PDPK1: variants seen among roughly 807,000 people sequenced by gnomAD.
The protein encoded by PDPK1 is 3-phosphoinositide-dependent protein kinase 1.
In PDPK1, 7 loss-of-function variants were observed where a neutral mutation model predicts 39.8. That is an observed-to-expected ratio of 0.18 (90% CI 0.10 to 0.33). The LOEUF is 0.33. PDPK1 is among the 10% of genes least tolerant of loss of function. The probability of loss-of-function intolerance (pLI) is 1.00; values close to 1 mark genes in which losing one functional copy is unlikely to be tolerated. For missense variants in PDPK1, 182 were observed against 384.7 expected (o/e 0.47, Z 4.41); for synonymous variants, 118 against 159.1 (o/e 0.74, Z 1.95).
In PDPK1 at chr16:2,597,487, G is replaced by A. The variant is rs1007676520; in HGVS notation, c.1555-164G>A. On this transcript the variant is annotated intron_variant, in intron 13 of 13. Transcript: ENST00000342085. This position sits in a 1 kb window ranked among gnomAD's most constrained non-coding sequence, Gnocchi z 6.3. ...TTTTTCAGTTTGGTGGTGACTGGGG[G>A]TGGTGGTCATCAGCCTGTGTAGTTG... Among the ~76,000 whole-genome samples the A allele has an allele frequency of 1.3e-5, 2 of 152,214 alleles. No homozygotes were observed. The highest frequency in any genetic ancestry group is 2.9e-5 in the Non-Finnish European group (2 of 68,042).
rs1471783863 is a variant in PDPK1, at chr16:2,599,404, G to C, written c.*1637G>C. 1 of 232,944 alleles carries C rather than the reference G, an allele frequency of 4.3e-6. No homozygotes were observed. Among genetic ancestry groups the C allele is most frequent in the Non-Finnish European group, 8.5e-6 (1 of 117,924 alleles). 14.4% of individuals were successfully genotyped at this position (232,944 alleles called of 1,614,324 possible). A position where few individuals can be genotyped will look rare whatever the true frequency, so the allele number is the denominator to read the frequency against. On this transcript the variant is annotated 3_prime_UTR_variant, in exon 14 of 14. Coordinates refer to ENST00000342085, the MANE Select transcript of PDPK1 (RefSeq NM_002613.5). ...CTAATGACGAGAGTGGCTCTTTTTA[G>C]CTAGGCGAGTACAGACGGGGCCTGG...
In PDPK1 at chr16:2,545,731, G is replaced by C. The variant is rs1364064873; in HGVS notation, c.24+7595G>C. On this transcript the variant is annotated intron_variant, in intron 1 of 13. Transcript: ENST00000342085. Reference sequence around the variant, plus strand: ...GCTGGTCGCGAACTCCTAATGTCATGATTCACCCGCCTTGGCCTCCCAAAG... The same window carrying C: ...GCTGGTCGCGAACTCCTAATGTCATCATTCACCCGCCTTGGCCTCCCAAAG... Among the ~76,000 whole-genome samples the C allele has an allele frequency of 2.0e-5, 3 of 152,160 alleles. No individual in the cohort carries two copies. In the East Asian group the frequency reaches 5.8e-4, roughly 29 times the overall value.
chr16:2,538,199 C>G (rs2066172449), intron 1 of PDPK1, 63 bp downstream of exon 1: 3 of 941,550 alleles, frequency 3.2e-6, no homozygotes. Flanking sequence ...GGCGGCCGCC[C>G]GGGTCCGGCG....
intron 1 of PDPK1, chr16:2,538,664 C>T: frequency 7.8e-7 from 1 of 1,288,954 alleles, no homozygotes; most frequent in African/African-American, 1.5e-5. Context: ...CACGGCCCGG[C>T]CAAGGGGCAT....
At chr16:2,577,800 A>G (rs1186617437) in intron 7 of PDPK1, among the ~76,000 whole-genome samples, 4 of 149,228 alleles carry the variant, frequency 2.7e-5, no homozygotes, top group African/African-American at 5.1e-5. Flanking sequence ...GTGCAGTGGC[A>G]CCATCTCTGC....
At chr16:2,577,195 G>A (rs1439569876) in intron 6 of PDPK1, 4 of 593,110 alleles carry the variant, frequency 6.7e-6, no homozygotes, top group Middle Eastern at 9.0e-4. Flanking sequence ...GGCCGTTTGT[G>A]TGCAGCTCAC....
At chr16:2,586,622 A>G (rs1274975162) in intron 10 of PDPK1, 54 bp from the exon 11 acceptor site, 1 of 1,509,652 alleles carries the variant, frequency 6.6e-7, no homozygotes, top group Non-Finnish European at 9.2e-7. Flanking sequence ...CTGGGGTTTT[A>G]GGACCTTAGA....
rs531050862 is a variant in PDPK1, at chr16:2,600,835, G to C, written c.*3068G>C. Reference sequence around the variant, plus strand: ...AGAAGACCACTGTGAGCATTTTGCCGTATATCCTGCCCTGCCATTTGTTCA... The same window carrying C: ...AGAAGACCACTGTGAGCATTTTGCCCTATATCCTGCCCTGCCATTTGTTCA... On this transcript the variant is annotated 3_prime_UTR_variant, in exon 14 of 14. Coordinates refer to ENST00000342085, the MANE Select transcript of PDPK1 (RefSeq NM_002613.5). The C allele has an allele frequency of 5.1e-6, 1 of 196,974 alleles. No individual in the cohort carries two copies. The highest frequency in any genetic ancestry group is 3.0e-5 in the African/African-American group (1 of 33,126). 12.2% of individuals were successfully genotyped at this position (196,974 alleles called of 1,614,324 possible). A position where few individuals can be genotyped will look rare whatever the true frequency, so the allele number is the denominator to read the frequency against.
Position 2,597,792 on chromosome 16 carries a change from T to A in PDPK1, c.*25T>A. ...ACGTGGCCTGCGGCCGGGCTGCCCT[T>A]CGCTGCCAGGACACCTGCCCCAGCG... is the stretch of plus-strand genomic sequence containing the variant. On this transcript the variant is annotated 3_prime_UTR_variant, in exon 14 of 14. Coordinates refer to ENST00000342085, the MANE Select transcript of PDPK1 (RefSeq NM_002613.5). This position sits in a 1 kb window ranked among gnomAD's most constrained non-coding sequence, Gnocchi z 6.3. 6.6e-7 allele frequency: 1 copy of A among 1,517,306 alleles called. No homozygotes were observed. The highest frequency in any genetic ancestry group is 9.1e-7 in the Non-Finnish European group (1 of 1,095,058). The allele number at this position is 1,517,306 out of a possible 1,614,324, so 94.0% of individuals were successfully genotyped here. A position where few individuals can be genotyped will look rare whatever the true frequency, so the allele number is the denominator to read the frequency against.
chr16:2,584,734 C>T (rs541638987), intron 10 of PDPK1, among the ~76,000 whole-genome samples: 4,131 of 149,578 alleles, frequency 0.028, 175 homozygotes, highest in African/African-American at 0.1. Flanking sequence ...AGTTTCCCAA[C>T]GCCCCTACCT....
chr16:2,543,888 AT>A (rs11422907), intron 1 of PDPK1, among the ~76,000 whole-genome samples: 22 of 134,766 alleles, frequency 1.6e-4, no homozygotes, highest in African/African-American at 2.8e-4. Context: ...CACCCGGCTA[AT>A]TTTTTTTTTT....
In PDPK1 at chr16:2,597,527, G is replaced by A. The variant is rs780960806; in HGVS notation, c.1555-124G>A. ...CTGTGTAGTTGCTTACTGCTTGTGTGAATAACCGTCACACCCACGTGCTTT... is the reference window on the plus strand; with the variant it reads ...CTGTGTAGTTGCTTACTGCTTGTGTAAATAACCGTCACACCCACGTGCTTT... On this transcript the variant is annotated intron_variant, in intron 13 of 13. Coordinates refer to ENST00000342085, the MANE Select transcript of PDPK1 (RefSeq NM_002613.5). The surrounding 1 kb of genome is among the most constrained non-coding windows in gnomAD (Gnocchi z 6.3). 2 of 772,814 alleles carry A rather than the reference G, an allele frequency of 2.6e-6. No individual in the cohort carries two copies. Among genetic ancestry groups the A allele is most frequent in the South Asian group, 1.5e-5 (1 of 65,134 alleles). The allele number at this position is 772,814 out of a possible 1,614,324, so 47.9% of individuals were successfully genotyped here. A position where few individuals can be genotyped will look rare whatever the true frequency, so the allele number is the denominator to read the frequency against.
intron 7 of PDPK1, among the ~76,000 whole-genome samples, chr16:2,578,083 C>T (rs1355518282): frequency 2.7e-5 from 4 of 149,172 alleles, no homozygotes; most frequent in African/African-American, 1.0e-4. Context: ...AGCGTGGCTG[C>T]CGTGTGCACA....
rs1383180537 is a variant in PDPK1 at position 2,545,058 on chromosome 16, A to G, written c.24+6922A>G. Among the ~76,000 whole-genome samples the G allele has an allele frequency of 1.5e-4, 20 of 130,388 alleles. No homozygotes were observed. The Admixed American group carries it at 1.7e-3, about 11-fold the overall frequency. 85.5% of individuals were successfully genotyped at this position (130,388 alleles called of 152,430 possible). A position where few individuals can be genotyped will look rare whatever the true frequency, so the allele number is the denominator to read the frequency against. On this transcript the variant is annotated intron_variant, in intron 1 of 13. Transcript: ENST00000342085. ...ATTGCATTTTTTTTTTTTTTTTGAG[A>G]TGGAATCTCGTGCTGTTGCCCAGGC...
At chr16:2,543,655 A>G (rs1321718738) in intron 1 of PDPK1, among the ~76,000 whole-genome samples, 1 of 151,796 alleles carries the variant, frequency 6.6e-6, no homozygotes, top group African/African-American at 2.4e-5. Flanking sequence ...TTGCCTAGAG[A>G]AATTTCCCTA....
intron 1 of PDPK1, among the ~76,000 whole-genome samples, chr16:2,541,985 C>T (rs1207648447): frequency 4.6e-5 from 7 of 151,800 alleles, no homozygotes; most frequent in Non-Finnish European, 1.0e-4. Flanking sequence ...GGTCTCTTTT[C>T]TGTACCTGAT....
At chr16:2,594,624 C>G (rs1425577484) in intron 11 of PDPK1, 1 of 152,230 alleles carries the variant, frequency 6.6e-6, no homozygotes, top group African/African-American at 2.4e-5. Flanking sequence ...TCCGTAAGAT[C>G]AGATAGAACA....
rs2066881744 is a variant in PDPK1 at position 2,586,660 on chromosome 16, C to T, written c.1126-16C>T. ...CAAGTGAAGGTGCGGTTCTCACTTT[C>T]CCTTCTTCTCTGCAGTATGACAATC... On this transcript the variant is annotated splice_polypyrimidine_tract_variant and intron_variant, in intron 10 of 13. Transcript: ENST00000342085. 1 of 1,611,542 alleles carries T rather than the reference C, an allele frequency of 6.2e-7. No homozygotes were observed. The highest frequency in any genetic ancestry group is 1.1e-5 in the South Asian group (1 of 90,986).
Position 2,603,043 on chromosome 16 carries a change from A to G in PDPK1, c.*5276A>G, listed in dbSNP as rs1271900243. 1 of 226,784 alleles carries G rather than the reference A, an allele frequency of 4.4e-6. No homozygotes were observed. The highest frequency in any genetic ancestry group is 8.7e-6 in the Non-Finnish European group (1 of 114,564). 14.0% of individuals were successfully genotyped at this position (226,784 alleles called of 1,614,324 possible). A position where few individuals can be genotyped will look rare whatever the true frequency, so the allele number is the denominator to read the frequency against. On this transcript the variant is annotated 3_prime_UTR_variant, in exon 14 of 14. Transcript: ENST00000342085. ...TCTGGCTTTATTATATAAATTTTCT[A>G]TTGGGTCAGTGATTTAATCATATAA...
Sources: allele counts gnomAD v4.1 joint callset (sites outside exome capture counted in the v4.1 genomes callset), GRCh38; gene constraint gnomAD v4.1.1; non-coding constraint Gnocchi (gnomAD v3.1); transcripts MANE v1.5; gene names NCBI Gene and HGNC (gene_info 2026-07-23, HGNC 2026-07-21).